Variants in TSPAN18 observed in about 807,000 individuals in gnomAD.
TSPAN18 encodes tetraspanin-18.
A neutral mutation model predicts 27.3 loss-of-function variants in TSPAN18; 14 were observed. That is an observed-to-expected ratio of 0.51 (90% CI 0.34 to 0.80). The LOEUF (loss-of-function observed/expected upper bound fraction) is 0.80, where lower values mean the gene tolerates loss of function less well. Among genes scored for constraint, TSPAN18 ranks in the 30% least tolerant of loss-of-function variants. The probability of loss-of-function intolerance (pLI) is 0.01; values close to 1 mark genes in which losing one functional copy is unlikely to be tolerated. For synonymous variants in TSPAN18, 143 were observed against 136.5 expected, an observed-to-expected ratio of 1.05 and a Z score of -0.33; for missense variants, 268 against 323.9, an observed-to-expected ratio of 0.83 and a Z score of 1.32.
At chr11:44,745,488 TAAAGTTC>T (rs1855050090) in intron 1 of TSPAN18, among the ~76,000 whole-genome samples, 1 of 152,226 alleles carries the variant, frequency 6.6e-6, no homozygotes, top group African/African-American at 2.4e-5. Flanking sequence ...TCTACTTATA[TAAAGTTC>T]AAAGTCAGCA....
At chr11:44,822,522 A>G (rs1856948251) in intron 2 of TSPAN18, among the ~76,000 whole-genome samples, 1 of 151,694 alleles carries the variant, frequency 6.6e-6, no homozygotes, top group African/African-American at 2.4e-5. Flanking sequence ...CTCACCAATG[A>G]TAGTGGAAGT....
intron 3 of TSPAN18, among the ~76,000 whole-genome samples, chr11:44,864,854 G>T (rs575452476): frequency 1.5e-3 from 231 of 152,316 alleles, no homozygotes; most frequent in African/African-American, 5.4e-3. Flanking sequence ...GGTGCTGGGG[G>T]TCCAGTCTGC....
intron 3 of TSPAN18, among the ~76,000 whole-genome samples, chr11:44,884,236 TG>T (rs1244537958): frequency 6.6e-6 from 1 of 152,170 alleles, no homozygotes; most frequent in Non-Finnish European, 1.5e-5. Flanking sequence ...ATGCTCTGGA[TG>T]GGTCATTTGT....
At chr11:44,892,668 C>T (rs1034597924) in intron 3 of TSPAN18, among the ~76,000 whole-genome samples, 2 of 152,208 alleles carry the variant, frequency 1.3e-5, no homozygotes, top group Non-Finnish European at 2.9e-5. Context: ...TTAAGTCCAG[C>T]CCCGGTCTAT....
chr11:44,914,952 C>T (rs748290535), intron 5 of TSPAN18, among the ~76,000 whole-genome samples: 12 of 152,202 alleles, frequency 7.9e-5, no homozygotes, highest in East Asian at 7.7e-4. Flanking sequence ...GCCGGTCTTG[C>T]GAGAAGCACC....
At chr11:44,893,493 C>T (rs919492151) in intron 3 of TSPAN18, among the ~76,000 whole-genome samples, 5 of 152,230 alleles carry the variant, frequency 3.3e-5, no homozygotes, top group African/African-American at 1.2e-4. Flanking sequence ...GGATGAGGCC[C>T]AGCAGGCACA....
At chr11:44,909,936 CTGAGGGG>C in intron 5 of TSPAN18, 37 bp downstream of exon 5, 1 of 1,574,400 alleles carries the variant, frequency 6.4e-7, no homozygotes, top group African/African-American at 1.3e-5. Context: ...CATGGGTGCT[CTGAGGGG>C]TGTCAGGGAT....
At chr11:44,813,630 G>A (rs1856764898) in intron 2 of TSPAN18, among the ~76,000 whole-genome samples, 1 of 152,186 alleles carries the variant, frequency 6.6e-6, no homozygotes, top group Middle Eastern at 3.2e-3. Context: ...CCTTGAGTAA[G>A]ACACTTGGTC....
intron 3 of TSPAN18, among the ~76,000 whole-genome samples, chr11:44,866,062 C>A (rs578039413): frequency 6.6e-6 from 1 of 152,230 alleles, no homozygotes; most frequent in Non-Finnish European, 1.5e-5. Context: ...TCTGTGACCC[C>A]GGCAGCACAA....
At chr11:44,850,891 GT>G (rs1242838221) in intron 2 of TSPAN18, among the ~76,000 whole-genome samples, 1 of 152,124 alleles carries the variant, frequency 6.6e-6, no homozygotes, top group African/African-American at 2.4e-5. Flanking sequence ...TTACCCATCT[GT>G]GGGCACTTAG....
At chr11:44,920,387 A>C (rs1860083858) in intron 8 of TSPAN18, among the ~76,000 whole-genome samples, 1 of 152,128 alleles carries the variant, frequency 6.6e-6, no homozygotes, top group African/African-American at 2.4e-5. Context: ...ATTTTGGAGG[A>C]AGCTCTTATT....
intron 3 of TSPAN18, among the ~76,000 whole-genome samples, chr11:44,874,581 C>T (rs1476824459): frequency 6.6e-6 from 1 of 152,220 alleles, no homozygotes; most frequent in Non-Finnish European, 1.5e-5. Context: ...AAGCCTGGCA[C>T]TAATCACCTC....
At chr11:44,926,641 G>A (rs1860367001) in intron 8 of TSPAN18, 33 bp from the exon 9 acceptor site, 2 of 1,602,238 alleles carry the variant, frequency 1.2e-6, no homozygotes, top group East Asian at 2.2e-5. Context: ...CTCAACCCTG[G>A]CCATAGCTTG....
Position 44,929,214 on chromosome 11 carries a change from C to T in TSPAN18, c.*36C>T, listed in dbSNP as rs771710227. The T allele has an allele frequency of 2.5e-6, 4 of 1,612,886 alleles. No homozygotes were observed. Among genetic ancestry groups the T allele is most frequent in the South Asian group, 2.2e-5 (2 of 91,076 alleles). On this transcript the variant is annotated 3_prime_UTR_variant, in exon 10 of 10. Coordinates refer to ENST00000520358, the MANE Select transcript of TSPAN18 (RefSeq NM_130783.5). ...CTGAAGCCTGAAGACTCGCCCCACC[C>T]ACCACTGCCCAGCACCCAGTGTCCT...
At chr11:44,849,632 G>A (rs975178392) in intron 2 of TSPAN18, among the ~76,000 whole-genome samples, 9 of 152,174 alleles carry the variant, frequency 5.9e-5, no homozygotes, top group Admixed American at 4.6e-4. Context: ...TGCAGCCCGT[G>A]GCACTGCTGC....
At chr11:44,885,070 T>G (rs1858602936) in intron 3 of TSPAN18, among the ~76,000 whole-genome samples, 1 of 152,156 alleles carries the variant, frequency 6.6e-6, no homozygotes, top group Non-Finnish European at 1.5e-5. Context: ...CCAAAGGAGA[T>G]CTGGGTAGCT....
intron 3 of TSPAN18, among the ~76,000 whole-genome samples, chr11:44,877,771 A>C (rs1254049155): frequency 3.3e-5 from 5 of 152,166 alleles, no homozygotes; most frequent in African/African-American, 1.2e-4. Flanking sequence ...AGGCCTCCTA[A>C]TTAGTGTGAA....
intron 2 of TSPAN18, among the ~76,000 whole-genome samples, chr11:44,841,143 GAC>G (rs1857364771): frequency 6.6e-6 from 1 of 152,204 alleles, no homozygotes; most frequent in Non-Finnish European, 1.5e-5. Flanking sequence ...GGTGGTGACA[GAC>G]ACAGTGGCTG....
At chr11:44,742,643 G>A (rs1292125572) in intron 1 of TSPAN18, among the ~76,000 whole-genome samples, 1 of 152,096 alleles carries the variant, frequency 6.6e-6, no homozygotes, top group Non-Finnish European at 1.5e-5. Flanking sequence ...TCTCGGGCCT[G>A]CTCTGTCCCT....
Sources: gnomAD v4.1 joint callset for allele counts (sites outside exome capture counted in the v4.1 genomes callset) on GRCh38, gnomAD v4.1.1 for gene constraint, MANE v1.5 for transcripts, NCBI Gene and HGNC (gene_info 2026-07-23, HGNC 2026-07-21) for gene names.